The following MATR3 variants were observed in gnomAD, a reference collection of about 807,000 sequenced individuals.
MATR3 encodes matrin 3, also known as matrin-3.
In MATR3, 4 loss-of-function variants were observed where a neutral mutation model predicts 85.5. That is an observed-to-expected ratio of 0.05 (90% CI 0.02 to 0.11). The LOEUF (loss-of-function observed/expected upper bound fraction) is 0.11, where lower values mean the gene tolerates loss of function less well. Among genes scored for constraint, MATR3 ranks in the 10% least tolerant of loss-of-function variants. The pLI, the probability that MATR3 is intolerant of heterozygous loss-of-function variation, is 1.00. For synonymous variants in MATR3, 336 were observed against 343.1 expected (o/e 0.98, Z 0.23); for missense variants, 685 against 1,016.1 (o/e 0.67, Z 4.43).
At chr5:139,315,604 A>G in intron 3 of MATR3, 93 bp from the exon 4 acceptor site, 1 of 804,768 alleles carries the variant, frequency 1.2e-6, no homozygotes, top group South Asian at 1.4e-5. Context: ...AGATAACTTT[A>G]CTAATAAATG....
chr5:139,287,536 C>T (rs1180717951), intron 3 of MATR3, among the ~76,000 whole-genome samples: 3 of 152,054 alleles, frequency 2.0e-5, no homozygotes, highest in African/African-American at 7.2e-5. Flanking sequence ...GGAGAATCGC[C>T]TGAACCCGGT....
intron 9 of MATR3, 102 bp from the exon 10 acceptor site, chr5:139,321,789 GAAAAAAA>G (rs1364630086): frequency 2.3e-5 from 4 of 175,078 alleles, no homozygotes; most frequent in East Asian, 1.8e-4. Context: ...TCTCAAAAAA[GAAAAAAA>G]GTAATGAAAA....
At chr5:139,281,356 G>GA (rs1753514548) in intron 3 of MATR3, among the ~76,000 whole-genome samples, 1 of 101,038 alleles carries the variant, frequency 9.9e-6, no homozygotes, top group African/African-American at 3.8e-5. Flanking sequence ...TTTTTTTTTT[G>GA]TTTTTTTTTT....
intron 1 of MATR3, among the ~76,000 whole-genome samples, chr5:139,300,485 C>T (rs1170337812): frequency 6.6e-6 from 1 of 152,144 alleles, no homozygotes; most frequent in African/African-American, 2.4e-5. Flanking sequence ...TTTATAAGCT[C>T]TTTATTCATT....
At chr5:139,284,854 TATG>T (rs1561920785) in intron 3 of MATR3, among the ~76,000 whole-genome samples, 1 of 152,194 alleles carries the variant, frequency 6.6e-6, no homozygotes, top group African/African-American at 2.4e-5. Context: ...ATAATTATAA[TATG>T]TTATTATTCT....
chr5:139,306,889 G>A lies in MATR3; in HGVS notation c.-177-350G>A, dbSNP rs1285734037. Among the ~76,000 whole-genome samples, 3 of 152,144 alleles carry A rather than the reference G, an allele frequency of 2.0e-5. No individual in the cohort carries two copies. The East Asian group carries it at 5.8e-4, about 29-fold the overall frequency. On this transcript the variant is annotated intron_variant, in intron 1 of 14. Coordinates refer to ENST00000394805, the MANE Select transcript of MATR3 (RefSeq NM_018834.6). ...TTGTTTTTAGTCTTCTGGAACTTAA[G>A]CATCATACTATAGGGTGTATTTTTA...
Position 139,311,810 on chromosome 5 carries a change from C to T in MATR3, c.913-2865C>T, listed in dbSNP as rs1754997313. On this transcript the variant is annotated intron_variant, in intron 2 of 14. Transcript: ENST00000394805. ...TGAGAAGGTTTCTCGCTCTGTGTCC[C>T]AGGCTGGAGTACAGTGGCGTGATCT... is the stretch of plus-strand genomic sequence containing the variant. 3.3e-5 allele frequency: 4 copies of T among 120,006 alleles called. No homozygotes were observed. The South Asian group carries it at 1.1e-3, about 32-fold the overall frequency. The allele number at this position is 120,006 out of a possible 1,614,324, so 7.4% of individuals were successfully genotyped here.
At position 139,325,493 on chromosome 5, in the gene MATR3, A is replaced by G. The variant is rs756136339; in HGVS notation, c.2202A>G (p.Gly734=). 2 of 1,614,208 alleles carry G rather than the reference A, an allele frequency of 1.2e-6. No homozygotes were observed. Among genetic ancestry groups the G allele is most frequent in the Non-Finnish European group, 1.7e-6 (2 of 1,180,026 alleles). ...AAAACGAAGCAGCGTTGGAAAATGG[A>G]ATTAAAAATGAGGAAAACACAGAAC... ...DQENEAALEN[G]IKNEENTEPG... is the part of the protein sequence containing the mutation. Residue 734 remains glycine, a synonymous_variant, in exon 13 of 15, where the codon GGA becomes GGG. Coordinates refer to ENST00000394805, the MANE Select transcript of MATR3 (RefSeq NM_018834.6).
At chr5:139,295,029 C>T (rs1316800579) in intron 1 of MATR3, 3 of 152,090 alleles carry the variant, frequency 2.0e-5, no homozygotes, top group African/African-American at 7.2e-5. Flanking sequence ...ATTGGTACTG[C>T]GTTCTGTGTT....
At chr5:139,316,050 T>C (rs1413666961) in intron 4 of MATR3, 26 bp from the exon 5 acceptor site, 1 of 1,491,964 alleles carries the variant, frequency 6.7e-7, no homozygotes, top group Non-Finnish European at 9.3e-7. Flanking sequence ...TATTATGATT[T>C]ATATTTTATG....
rs756391139 is a variant in MATR3, at chr5:139,329,329, TTCTC to T, written c.2494-14_2494-11del. 3 of 1,600,996 alleles carry T rather than the reference TTCTC, an allele frequency of 1.9e-6. No individual in the cohort carries two copies. Among genetic ancestry groups the T allele is most frequent in the Non-Finnish European group, 1.7e-6 (2 of 1,168,704 alleles). Reference sequence around the variant, plus strand: ...CTCTTAGGTGACTTAATGGCTGTAATTCTCTTTCTTTATAGAAATTTCTGAATAA... The same window carrying T: ...CTCTTAGGTGACTTAATGGCTGTAATTTTCTTTATAGAAATTTCTGAATAA... On this transcript the variant is annotated splice_polypyrimidine_tract_variant and intron_variant, in intron 14 of 14. Coordinates refer to ENST00000394805, the MANE Select transcript of MATR3 (RefSeq NM_018834.6).
chr5:139,306,932 AC>A (rs1403309413), intron 1 of MATR3, among the ~76,000 whole-genome samples: 2 of 152,138 alleles, frequency 1.3e-5, no homozygotes, highest in African/African-American at 2.4e-5. Flanking sequence ...AAAAGAAGAA[AC>A]CCATCTATAT....
At chr5:139,280,230 T>C (rs2151867660) in intron 3 of MATR3, among the ~76,000 whole-genome samples, 1 of 152,348 alleles carries the variant, frequency 6.6e-6, no homozygotes, top group East Asian at 1.9e-4. Context: ...GTCAAAATTG[T>C]TTTCAATGAT....
At chr5:139,329,232 A>G in intron 14 of MATR3, 113 bp from the exon 15 acceptor site, 1 of 771,048 alleles carries the variant, frequency 1.3e-6, no homozygotes, top group Admixed American at 2.2e-5. Flanking sequence ...AATATTGACA[A>G]AATTATAGTT....
chr5:139,280,221 T>C (rs1399254292), intron 3 of MATR3, among the ~76,000 whole-genome samples: 8 of 152,218 alleles, frequency 5.3e-5, no homozygotes, highest in African/African-American at 1.9e-4. Flanking sequence ...ATTTTCAGTG[T>C]CAAAATTGTT....
upstream of MATR3, among the ~76,000 whole-genome samples, chr5:139,291,168 TCA>T (rs1413253696): frequency 6.6e-6 from 1 of 152,176 alleles, no homozygotes; most frequent in Non-Finnish European, 1.5e-5. Context: ...AAAGTCTACC[TCA>T]GAGTTTTCAC....
chr5:139,300,616 G>A (rs1024684463), intron 1 of MATR3, among the ~76,000 whole-genome samples: 24 of 152,102 alleles, frequency 1.6e-4, no homozygotes, highest in South Asian at 2.1e-4. Context: ...TGATTACTAC[G>A]GTGCTGTGTG....
At chr5:139,274,901 G>T (rs1329489968) in intron 1 of MATR3, among the ~76,000 whole-genome samples, 1 of 151,712 alleles carries the variant, frequency 6.6e-6, no homozygotes, top group Non-Finnish European at 1.5e-5. Flanking sequence ...TTCCAACCTG[G>T]TAACAGAGCA....
At chr5:139,308,348 C>G in intron 2 of MATR3, 21 bp downstream of exon 2, 1 of 1,613,526 alleles carries the variant, frequency 6.2e-7, no homozygotes, top group Non-Finnish European at 8.5e-7. Flanking sequence ...TCAACAGATG[C>G]TTCTAATTTC....
Sources: allele counts gnomAD v4.1 joint callset (sites outside exome capture counted in the v4.1 genomes callset), GRCh38; gene constraint gnomAD v4.1.1; transcripts MANE v1.5; gene names NCBI Gene and HGNC (gene_info 2026-07-23, HGNC 2026-07-21).